Variants in BORCS5 observed in about 807,000 individuals in gnomAD.
BORCS5 encodes BLOC-1 related complex subunit 5.
A neutral mutation model predicts 22.1 loss-of-function variants in BORCS5; 17 were observed. The ratio of observed to expected loss-of-function variants is 0.77; its 90% CI spans 0.53 to 1.15. The LOEUF is 1.15. BORCS5 is among the 50% of genes most tolerant of loss of function. The pLI, the probability that BORCS5 is intolerant of heterozygous loss-of-function variation, is 0.00. For synonymous variants in BORCS5, 117 were observed against 99.8 expected (o/e 1.17, Z -1.03); for missense variants, 247 against 253.2 (o/e 0.98, Z 0.17).
intron 2 of BORCS5, among the ~76,000 whole-genome samples, chr12:12,400,757 C>T (rs1941453176): frequency 6.6e-6 from 1 of 152,220 alleles, no homozygotes; most frequent in African/African-American, 2.4e-5. Flanking sequence ...ATTCCCTCCT[C>T]CTCCCACTCC....
intron 2 of BORCS5, among the ~76,000 whole-genome samples, chr12:12,390,995 G>T (rs1200507663): frequency 1.3e-5 from 2 of 152,012 alleles, no homozygotes; most frequent in African/African-American, 2.4e-5. Flanking sequence ...AGGGGAGGCG[G>T]GTAATTGAAC....
At chr12:12,448,279 A>C (rs1942830682) in intron 3 of BORCS5, among the ~76,000 whole-genome samples, 1 of 151,938 alleles carries the variant, frequency 6.6e-6, no homozygotes, top group African/African-American at 2.4e-5. Context: ...GCAGTGGTGC[A>C]ATCTCGGCTC....
intron 2 of BORCS5, among the ~76,000 whole-genome samples, chr12:12,410,440 C>T (rs1941704099): frequency 6.6e-6 from 1 of 152,224 alleles, no homozygotes; most frequent in African/African-American, 2.4e-5. Context: ...CAGCTTTCTA[C>T]ATATGGCTAG....
At chr12:12,403,158 G>C (rs1941515253) in intron 2 of BORCS5, among the ~76,000 whole-genome samples, 1 of 152,040 alleles carries the variant, frequency 6.6e-6, no homozygotes, top group South Asian at 2.1e-4. Flanking sequence ...GGCAGATGAG[G>C]GTGCTGAGGC....
intron 2 of BORCS5, among the ~76,000 whole-genome samples, chr12:12,424,895 A>G (rs564605608): frequency 5.3e-5 from 8 of 152,222 alleles, no homozygotes; most frequent in Non-Finnish European, 1.2e-4. Context: ...CCAGAGAGGG[A>G]AAAAGAAAAA....
At chr12:12,455,547 A>C (rs1385973205) in intron 3 of BORCS5, among the ~76,000 whole-genome samples, 1 of 152,180 alleles carries the variant, frequency 6.6e-6, no homozygotes, top group African/African-American at 2.4e-5. Flanking sequence ...TGGAAGGACG[A>C]GGAGGGCAGA....
rs571096569 is a variant in BORCS5 at position 12,459,846 on chromosome 12, A to G, written c.361-5700A>G. Reference sequence around the variant, plus strand: ...CTTTGTAACAACAATAAAAAAATCAATTAACAATATATTTTTAGATCATTT... The same window carrying G: ...CTTTGTAACAACAATAAAAAAATCAGTTAACAATATATTTTTAGATCATTT... On this transcript the variant is annotated intron_variant, in intron 3 of 3. Coordinates refer to ENST00000314565, the MANE Select transcript of BORCS5 (RefSeq NM_058169.6). Among the ~76,000 whole-genome samples the G allele has an allele frequency of 3.9e-5, 6 of 152,344 alleles. No homozygotes were observed. In the South Asian group the frequency reaches 1.2e-3, roughly 32 times the overall value.
intron 2 of BORCS5, among the ~76,000 whole-genome samples, chr12:12,402,831 A>G (rs987940881): frequency 1.3e-5 from 2 of 152,232 alleles, no homozygotes; most frequent in Non-Finnish European, 2.9e-5. Flanking sequence ...AACATGTTTT[A>G]AAGTCTTTGT....
chr12:12,438,371 A>AAAAAAAAAAAAAAAAAAAAAAAAAAAAC (rs1565915549), intron 3 of BORCS5, among the ~76,000 whole-genome samples: 15 of 117,082 alleles, frequency 1.3e-4, no homozygotes, highest in African/African-American at 6.7e-4. Context: ...AAAAAAAAAA[A>AAAAAAAAAAAAAAAAAAAAAAAAAAAAC]AAAAAAAAAC....
At chr12:12,358,665 C>T (rs1013004186) in intron 1 of BORCS5, among the ~76,000 whole-genome samples, 1 of 152,168 alleles carries the variant, frequency 6.6e-6, no homozygotes, top group African/African-American at 2.4e-5. Context: ...TGCCTATTCC[C>T]CTGTGCCCGG....
intron 1 of BORCS5, among the ~76,000 whole-genome samples, chr12:12,359,997 AACAATCTGCCTAT>A (rs1373625731): frequency 6.6e-6 from 1 of 152,156 alleles, no homozygotes; most frequent in African/African-American, 2.4e-5. Context: ...AGAAAGTAAA[AACAATCTGCCTAT>A]ACTTTTGTGT....
intron 2 of BORCS5, among the ~76,000 whole-genome samples, chr12:12,382,487 A>C (rs887129957): frequency 1.3e-5 from 2 of 150,898 alleles, no homozygotes; most frequent in African/African-American, 4.9e-5. Context: ...AAGTATCCAA[A>C]TGATATCACT....
chr12:12,435,635 G>C lies in BORCS5; in HGVS notation c.210G>C (p.Leu70Phe). 1 of 1,612,914 alleles carries C rather than the reference G, an allele frequency of 6.2e-7. No homozygotes were observed. The highest frequency in any genetic ancestry group is 1.3e-5 in the African/African-American group (1 of 74,920). ...PTFQPLLKGL[L>F]SGQTSPTNAK... ...TTTTTTTCTCCTTTGAAGGGCTATT[G>C]AGTGGCCAGACTTCCCCAACAAATG... is the stretch of plus-strand genomic sequence containing the variant. Residue 70 changes from leucine (L) to phenylalanine (F), a missense_variant, in exon 3 of 4, where the codon TTG becomes TTC. Physicochemically the swap from Leu to Phe is conservative, Grantham distance 22. Coordinates refer to ENST00000314565, the MANE Select transcript of BORCS5 (RefSeq NM_058169.6).
In BORCS5 at chr12:12,419,117, T is replaced by C. The variant is rs2136101600; in HGVS notation, c.203-16511T>C. On this transcript the variant is annotated intron_variant, in intron 2 of 3. Coordinates refer to ENST00000314565, the MANE Select transcript of BORCS5 (RefSeq NM_058169.6). ...AGTGTAGGTTTGATAAATAGGTATATATGTGCCATGTTGGTTTGCTGCACC... is the reference window on the plus strand; with the variant it reads ...AGTGTAGGTTTGATAAATAGGTATACATGTGCCATGTTGGTTTGCTGCACC... Among the ~76,000 whole-genome samples the C allele has an allele frequency of 1.3e-5, 2 of 152,280 alleles. 1 individual carries two copies. The highest frequency in any genetic ancestry group is 6.8e-3 in the Middle Eastern group (2 of 294).
intron 2 of BORCS5, among the ~76,000 whole-genome samples, chr12:12,420,869 G>T (rs531829393): frequency 1.2e-4 from 18 of 152,244 alleles, no homozygotes; most frequent in African/African-American, 3.9e-4. Context: ...TTGGTGTATA[G>T]GAATGATTGT....
chr12:12,401,203 G>T (rs1941464514), intron 2 of BORCS5, among the ~76,000 whole-genome samples: 3 of 152,142 alleles, frequency 2.0e-5, no homozygotes, highest in African/African-American at 7.2e-5. Context: ...TAGGGCACAT[G>T]TATTTTCAGC....
At chr12:12,363,309 A>C (rs890035569) in intron 2 of BORCS5, among the ~76,000 whole-genome samples, 6 of 151,738 alleles carry the variant, frequency 4.0e-5, no homozygotes, top group Non-Finnish European at 8.8e-5. Flanking sequence ...AAGAAAAAAA[A>C]AAAAAGCCGG....
At chr12:12,464,267 A>G (rs1943160790) in intron 3 of BORCS5, among the ~76,000 whole-genome samples, 1 of 148,654 alleles carries the variant, frequency 6.7e-6, no homozygotes, top group South Asian at 2.1e-4. Flanking sequence ...CCCTGCAGGC[A>G]CTCAAGCAAG....
intron 3 of BORCS5, among the ~76,000 whole-genome samples, chr12:12,453,248 T>G (rs1476262789): frequency 3.3e-5 from 5 of 152,242 alleles, no homozygotes; most frequent in Admixed American, 2.6e-4. Flanking sequence ...ATGCTGTCAG[T>G]ATGAGTCCAT....
Sources: allele counts gnomAD v4.1 joint callset (sites outside exome capture counted in the v4.1 genomes callset), GRCh38; gene constraint gnomAD v4.1.1; transcripts MANE v1.5; gene names NCBI Gene and HGNC (gene_info 2026-07-23, HGNC 2026-07-21).